Variants in OR5W2 observed in about 807,000 individuals in gnomAD.
OR5W2 encodes the protein olfactory receptor 5W2.
For missense variants in OR5W2, 444 were observed against 357.1 expected (o/e 1.24, Z -1.96); for synonymous variants, 164 against 138.2 (o/e 1.19, Z -1.31).
rs1284912214 is a variant in OR5W2 at position 55,913,868 on chromosome 11, A to G, written c.715T>C (p.Ser239Pro). Residue 239 changes from serine (S) to proline (P), a missense_variant, in exon 1 of 1, where the codon TCT (serine) becomes CCT (proline). By Grantham distance (74) the Ser-to-Pro change is moderately conservative (BLOSUM62 -1). Coordinates refer to ENST00000344514, the MANE Select transcript of OR5W2 (RefSeq NM_001001960.1). ...HSAEGRFKAL[S>P]TCTSHLSAVA... ...GCAGATAAGTGGGAAGTGCATGTAG[A>G]GAGAGCTTTGAACCTCCCCTCAGCA... 6.2e-7 allele frequency: 1 copy of G among 1,613,896 alleles called. No individual in the cohort carries two copies. The highest frequency in any genetic ancestry group is 1.3e-5 in the African/African-American group (1 of 74,920).
rs770040499 is a variant in OR5W2 at position 55,913,916 on chromosome 11, G to C, written c.667C>G (p.Leu223Val). The C allele has an allele frequency of 4.3e-6, 7 of 1,613,864 alleles. No homozygotes were observed. The highest frequency in any genetic ancestry group is 5.1e-6 in the Non-Finnish European group (6 of 1,179,782). The change falls in exon 1 of 1, where the codon CTA becomes GTA. Residue 223 changes from leucine (L) to valine (V), a missense_variant. Physicochemically the swap from Leu to Val is conservative, Grantham distance 32. Coordinates refer to ENST00000344514, the MANE Select transcript of OR5W2 (RefSeq NM_001001960.1). ...GVFISYCYII[L>V]SVLEIHSAEG... is the part of the protein sequence containing the mutation. ...GCAGAGTGTATCTCCAAGACTGATA[G>C]GATGATATAACAATAAGAAATGAAA...
In OR5W2 at chr11:55,913,694, C is replaced by A. The variant is rs369863021; in HGVS notation, c.889G>T (p.Val297Leu). The A allele has an allele frequency of 3.1e-6, 5 of 1,604,326 alleles. No homozygotes were observed. In the Admixed American group the frequency reaches 5.2e-5, roughly 17 times the overall value. Reference protein sequence around the residue: ...PLIYSLRNKDVKEALKKLKNK... With the variant: ...PLIYSLRNKDLKEALKKLKNK... The stretch of plus-strand genomic sequence containing the variant: ...TTCAGTTTTTTCAGGGCCTCTTTCA[C>A]ATCCTTGTTCCTCAGGCTATAAATC... The change falls in exon 1 of 1, where the codon GTG (valine) becomes TTG (leucine). Residue 297 changes from valine to leucine, a missense_variant. Transcript: ENST00000344514.
rs946551633 is a variant in OR5W2, at chr11:55,914,292, A to G, written c.291T>C (p.Cys97=). The G allele has an allele frequency of 1.9e-6, 3 of 1,614,060 alleles. No individual in the cohort carries two copies. Among genetic ancestry groups the G allele is most frequent in the African/African-American group, 1.3e-5 (1 of 74,950 alleles). ...TACAGAAGACCAAGAATTGCAGAGC[A>G]CAGCCATAGAAGGGTATTGACTTGT... ...AKNKSIPFYG[C]ALQFLVFCIF... Residue 97 remains cysteine, a synonymous_variant, in exon 1 of 1, where the codon TGT becomes TGC. Coordinates refer to ENST00000344514, the MANE Select transcript of OR5W2 (RefSeq NM_001001960.1).
Position 55,914,323 on chromosome 11 carries a change from G to C in OR5W2, c.260C>G (p.Ala87Gly). Reference sequence around the variant, plus strand: ...ATAGAAGGGTATTGACTTGTTCTTGGCAAGTAGATCTACCAGCATCTTGGG... The same window carrying C: ...ATAGAAGGGTATTGACTTGTTCTTGCCAAGTAGATCTACCAGCATCTTGGG... ...TGPKMLVDLLAKNKSIPFYGC... is the reference protein window; with the variant it reads ...TGPKMLVDLLGKNKSIPFYGC... Residue 87 changes from alanine (A) to glycine (G), a missense_variant, in exon 1 of 1, where the codon GCC becomes GGC. Coordinates refer to ENST00000344514, the MANE Select transcript of OR5W2 (RefSeq NM_001001960.1). 1.9e-6 allele frequency: 3 copies of C among 1,614,102 alleles called. No homozygotes were observed. The South Asian group carries it at 3.3e-5, about 18-fold the overall frequency.
In OR5W2 at chr11:55,914,133, C is replaced by T; in HGVS notation, c.450G>A (p.Leu150=). The T allele has an allele frequency of 4.3e-6, 7 of 1,613,848 alleles. No homozygotes were observed. Among genetic ancestry groups the T allele is most frequent in the Non-Finnish European group, 5.9e-6 (7 of 1,179,832 alleles). The part of the protein sequence containing the change: ...VCYLLLTGVY[L]VGIADALIHM... Reference sequence around the variant, plus strand: ...GTATCAAAGCATCTGCTATTCCCACCAGATAAACCCCAGTCAAGAGTAGAT... The same window carrying T: ...GTATCAAAGCATCTGCTATTCCCACTAGATAAACCCCAGTCAAGAGTAGAT... The change falls in exon 1 of 1, where the codon CTG becomes CTA. Residue 150 remains leucine (L), a synonymous_variant. Transcript: ENST00000344514.
Position 55,914,286 on chromosome 11 carries a change from C to T in OR5W2, c.297G>A (p.Leu99=). The T allele has an allele frequency of 2.5e-6, 4 of 1,614,118 alleles. No homozygotes were observed. The highest frequency in any genetic ancestry group is 3.4e-6 in the Non-Finnish European group (4 of 1,180,030). ...NKSIPFYGCA[L]QFLVFCIFAD... ...CAAAGATACAGAAGACCAAGAATTG[C>T]AGAGCACAGCCATAGAAGGGTATTG... Residue 99 remains leucine, a synonymous_variant, in exon 1 of 1, where the codon CTG becomes CTA. Transcript: ENST00000344514.
In OR5W2 at chr11:55,913,780, A is replaced by G; in HGVS notation, c.803T>C (p.Leu268Pro). 1 of 1,614,112 alleles carries G rather than the reference A, an allele frequency of 6.2e-7. No individual in the cohort carries two copies. Among genetic ancestry groups the G allele is most frequent in the East Asian group, 2.2e-5 (1 of 44,882 alleles). The change falls in exon 1 of 1, where the codon CTA (leucine) becomes CCA (proline). Residue 268 changes from leucine (L) to proline (P), a missense_variant. Transcript: ENST00000344514. ...MYFRPSSSYS[L>P]DQDKMTSLFY... Reference sequence around the variant, plus strand: ...CAATGAGGTCATTTTATCTTGATCTAGAGAATAGGAAGAACTTGGCCGGAA... The same window carrying G: ...CAATGAGGTCATTTTATCTTGATCTGGAGAATAGGAAGAACTTGGCCGGAA...
In OR5W2 at chr11:55,913,765, A is replaced by G. The variant is rs1854908241; in HGVS notation, c.818T>C (p.Met273Thr). The change falls in exon 1 of 1, where the codon ATG (methionine) becomes ACG (threonine). Residue 273 changes from methionine to threonine, a missense_variant. Met to Thr is a moderately conservative substitution (Grantham distance 81). Coordinates refer to ENST00000344514, the MANE Select transcript of OR5W2 (RefSeq NM_001001960.1). ...CACAAGGGTGTAAAACAATGAGGTC[A>G]TTTTATCTTGATCTAGAGAATAGGA... ...SSSYSLDQDKMTSLFYTLVVP... is the reference protein window; with the variant it reads ...SSSYSLDQDKTTSLFYTLVVP... 6.2e-7 allele frequency: 1 copy of G among 1,614,084 alleles called. No homozygotes were observed. The highest frequency in any genetic ancestry group is 2.2e-5 in the East Asian group (1 of 44,882).
In OR5W2 at chr11:55,913,897, T is replaced by C. The variant is rs758723815; in HGVS notation, c.686A>G (p.His229Arg). 1.2e-6 allele frequency: 2 copies of C among 1,613,658 alleles called. No homozygotes were observed. Among genetic ancestry groups the C allele is most frequent in the Non-Finnish European group, 1.7e-6 (2 of 1,179,696 alleles). ...CYIILSVLEIHSAEGRFKALS... is the reference protein window; with the variant it reads ...CYIILSVLEIRSAEGRFKALS... Reference sequence around the variant, plus strand: ...AGCTTTGAACCTCCCCTCAGCAGAGTGTATCTCCAAGACTGATAGGATGAT... The same window carrying C: ...AGCTTTGAACCTCCCCTCAGCAGAGCGTATCTCCAAGACTGATAGGATGAT... Residue 229 changes from histidine (H) to arginine (R), a missense_variant, in exon 1 of 1, where the codon CAC becomes CGC. Transcript: ENST00000344514.
chr11:55,914,342 T>C lies in OR5W2; in HGVS notation c.241A>G (p.Met81Val), dbSNP rs1333169856. Residue 81 changes from methionine to valine, a missense_variant, in exon 1 of 1, where the codon ATG (methionine) becomes GTG (valine). By Grantham distance (21) the Met-to-Val change is conservative. Transcript: ENST00000344514. ...TTCTTGGCAAGTAGATCTACCAGCA[T>C]CTTGGGCCCAGTTGCAGTAGAATAG... ...LCYSTATGPK[M>V]LVDLLAKNKS... The C allele has an allele frequency of 1.2e-6, 2 of 1,614,072 alleles. No individual in the cohort carries two copies. The highest frequency in any genetic ancestry group is 8.5e-7 in the Non-Finnish European group (1 of 1,179,926).
chr11:55,914,299 T>C lies in OR5W2; in HGVS notation c.284A>G (p.Tyr95Cys), dbSNP rs1039501412. The C allele has an allele frequency of 5.6e-6, 9 of 1,614,094 alleles. No individual in the cohort carries two copies. The highest frequency in any genetic ancestry group is 4.5e-5 in the East Asian group (2 of 44,870). ...GACCAAGAATTGCAGAGCACAGCCA[T>C]AGAAGGGTATTGACTTGTTCTTGGC... ...LLAKNKSIPF[Y>C]GCALQFLVFC... Residue 95 changes from tyrosine (Y) to cysteine (C), a missense_variant, in exon 1 of 1, where the codon TAT (tyrosine) becomes TGT (cysteine). Transcript: ENST00000344514.
chr11:55,914,285 G>T lies in OR5W2; in HGVS notation c.298C>A (p.Gln100Lys), dbSNP rs760986655. ...GCAAAGATACAGAAGACCAAGAATT[G>T]CAGAGCACAGCCATAGAAGGGTATT... is the stretch of plus-strand genomic sequence containing the variant. The part of the protein sequence containing the change: ...KSIPFYGCAL[Q>K]FLVFCIFADS... The change falls in exon 1 of 1, where the codon CAA becomes AAA. Residue 100 changes from glutamine to lysine, a missense_variant. Gln to Lys is a moderately conservative substitution (Grantham distance 53). Transcript: ENST00000344514. 3.7e-6 allele frequency: 6 copies of T among 1,614,062 alleles called. No homozygotes were observed. In the Middle Eastern group the frequency reaches 6.6e-4, roughly 178 times the overall value.
rs1458308234 is a variant in OR5W2, at chr11:55,914,474, T to C, written c.109A>G (p.Ile37Val). ...ATTCCAAGATTTGCTGAGAAATTAA[T>C]GATATAAACAGCCAAGAATACAGCA... ...LFAVFLAVYI[I>V]NFSANLGMIV... Residue 37 changes from isoleucine to valine, a missense_variant, in exon 1 of 1, where the codon ATT (isoleucine) becomes GTT (valine). Transcript: ENST00000344514. 6.2e-7 allele frequency: 1 copy of C among 1,612,856 alleles called. No individual in the cohort carries two copies. The highest frequency in any genetic ancestry group is 1.1e-5 in the South Asian group (1 of 91,064).
In OR5W2 at chr11:55,913,901, T is replaced by A; in HGVS notation, c.682A>T (p.Ile228Leu). 6.2e-7 allele frequency: 1 copy of A among 1,613,770 alleles called. No homozygotes were observed. The highest frequency in any genetic ancestry group is 8.5e-7 in the Non-Finnish European group (1 of 1,179,744). The change falls in exon 1 of 1, where the codon ATA becomes TTA. Residue 228 changes from isoleucine (I) to leucine (L), a missense_variant. Physicochemically the swap from Ile to Leu is conservative, Grantham distance 5. Transcript: ENST00000344514. The part of the protein sequence containing the change: ...YCYIILSVLE[I>L]HSAEGRFKAL... ...TTGAACCTCCCCTCAGCAGAGTGTA[T>A]CTCCAAGACTGATAGGATGATATAA...
Position 55,914,142 on chromosome 11 carries a change from C to T in OR5W2, c.441G>A (p.Gly147=). 1 of 1,613,782 alleles carries T rather than the reference C, an allele frequency of 6.2e-7. No homozygotes were observed. The highest frequency in any genetic ancestry group is 8.5e-7 in the Non-Finnish European group (1 of 1,179,824). ...CATCTGCTATTCCCACCAGATAAAC[C>T]CCAGTCAAGAGTAGATAGCACACTC... ...SSRVCYLLLT[G]VYLVGIADAL... Residue 147 remains glycine, a synonymous_variant, in exon 1 of 1, where the codon GGG becomes GGA. Coordinates refer to ENST00000344514, the MANE Select transcript of OR5W2 (RefSeq NM_001001960.1).
chr11:55,914,227 G>A lies in OR5W2; in HGVS notation c.356C>T (p.Ala119Val). 6 of 1,613,850 alleles carry A rather than the reference G, an allele frequency of 3.7e-6. No individual in the cohort carries two copies. The highest frequency in any genetic ancestry group is 1.7e-4 in the Middle Eastern group (1 of 6,060). Residue 119 changes from alanine to valine, a missense_variant, in exon 1 of 1, where the codon GCC (alanine) becomes GTC (valine). Transcript: ENST00000344514. The part of the protein sequence containing the change: ...DSECLLLSVM[A>V]FDRYKAIINP... Reference sequence around the variant, plus strand: ...GATGATGGCCTTGTACCGATCAAAGGCCATCACTGACAGCAGTAGACACTC... The same window carrying A: ...GATGATGGCCTTGTACCGATCAAAGACCATCACTGACAGCAGTAGACACTC...
chr11:55,914,311 G>T lies in OR5W2; in HGVS notation c.272C>A (p.Ser91Ter). The T allele has an allele frequency of 1.2e-6, 2 of 1,614,138 alleles. No individual in the cohort carries two copies. The highest frequency in any genetic ancestry group is 2.2e-5 in the South Asian group (2 of 91,040). The change falls in exon 1 of 1, where the codon TCA (serine) becomes TAA (stop). Residue 91 changes from serine (S) to a stop codon, truncating the protein, a stop_gained. Transcript: ENST00000344514. LOFTEE classifies it low-confidence loss of function (END_TRUNC). Reference protein sequence around the residue: ...MLVDLLAKNKSIPFYGCALQF... With the variant: ...MLVDLLAKNK Reference sequence around the variant, plus strand: ...CAGAGCACAGCCATAGAAGGGTATTGACTTGTTCTTGGCAAGTAGATCTAC... The same window carrying T: ...CAGAGCACAGCCATAGAAGGGTATTTACTTGTTCTTGGCAAGTAGATCTAC...
At position 55,913,710 on chromosome 11, in the gene OR5W2, G is replaced by T. The variant is rs1349979842; in HGVS notation, c.873C>A (p.Ser291Arg). Reference protein sequence around the residue: ...VVPMLNPLIYSLRNKDVKEAL... With the variant: ...VVPMLNPLIYRLRNKDVKEAL... The stretch of plus-strand genomic sequence containing the variant: ...CCTCTTTCACATCCTTGTTCCTCAG[G>T]CTATAAATCAGGGGGTTCAACATGG... Residue 291 changes from serine (S) to arginine (R), a missense_variant, in exon 1 of 1, where the codon AGC (serine) becomes AGA (arginine). By Grantham distance (110) the Ser-to-Arg change is moderately radical (BLOSUM62 -1). Transcript: ENST00000344514. 1 of 1,613,490 alleles carries T rather than the reference G, an allele frequency of 6.2e-7. No homozygotes were observed. The highest frequency in any genetic ancestry group is 8.5e-7 in the Non-Finnish European group (1 of 1,179,704).
In OR5W2 at chr11:55,913,873, G is replaced by T. The variant is rs527294280; in HGVS notation, c.710C>A (p.Ala237Asp). ...TAAGTGGGAAGTGCATGTAGAGAGA[G>T]CTTTGAACCTCCCCTCAGCAGAGTG... Reference protein sequence around the residue: ...EIHSAEGRFKALSTCTSHLSA... With the variant: ...EIHSAEGRFKDLSTCTSHLSA... Residue 237 changes from alanine to aspartate, a missense_variant, in exon 1 of 1, where the codon GCT becomes GAT. Transcript: ENST00000344514. 1.5e-5 allele frequency: 25 copies of T among 1,613,748 alleles called. No individual in the cohort carries two copies. The East Asian group carries it at 5.4e-4, about 35-fold the overall frequency.
Sources: allele counts gnomAD v4.1 joint callset, GRCh38; gene constraint gnomAD v4.1.1; transcripts MANE v1.5; gene names NCBI Gene and HGNC (gene_info 2026-07-23, HGNC 2026-07-21).